OXR1: variants seen among roughly 807,000 people sequenced by gnomAD.
OXR1 encodes oxidation resistance 1, also known as oxidation resistance protein 1.
OXR1 carries 41 observed loss-of-function variants against 104.6 expected under a neutral mutation model. The observed-to-expected ratio is 0.39, with a 90% CI of 0.31 to 0.51. The LOEUF is 0.51. OXR1 is among the 20% of genes least tolerant of loss of function. The pLI is 0.77. For missense variants in OXR1, 955 were observed against 1,031.9 expected (o/e 0.93, Z 1.02); for synonymous variants, 348 against 348.4 (o/e 1.00, Z 0.01).
chr8:106,308,816 A>T (rs1027878090), intron 1 of OXR1, among the ~76,000 whole-genome samples: 8 of 152,238 alleles, frequency 5.3e-5, no homozygotes, highest in Non-Finnish European at 1.0e-4. Flanking sequence ...ACATTTACAT[A>T]GGAAAATATT....
chr8:106,735,131 C>G (rs1015158742), intron 11 of OXR1, among the ~76,000 whole-genome samples: 3 of 151,812 alleles, frequency 2.0e-5, no homozygotes, highest in African/African-American at 4.8e-5. Context: ...GAATATATAG[C>G]TCTTTTATCC....
rs1040211636 is a variant in OXR1 at position 106,706,683 on chromosome 8, A to G, written c.1162A>G (p.Thr388Ala). The stretch of plus-strand genomic sequence containing the variant: ...AAGTCTGACAGTCAAATCAGAATCT[A>G]CTGGTACTCCTGGTCACTTAAGATC... Reference protein sequence around the residue: ...VESLTVKSESTGTPGHLRSDT... With the variant: ...VESLTVKSESAGTPGHLRSDT... Residue 388 changes from threonine to alanine, a missense_variant, in exon 9 of 17, where the codon ACT (threonine) becomes GCT (alanine). Around this residue, in one of 2 missense-constraint regions of OXR1, gnomAD observed 849 missense variants for 852.9 expected, o/e 1.00. Transcript: ENST00000517566. 16 of 1,613,244 alleles carry G rather than the reference A, an allele frequency of 9.9e-6. No homozygotes were observed. Among genetic ancestry groups the G allele is most frequent in the East Asian group, 4.5e-5 (2 of 44,884 alleles).
chr8:106,475,339 A>G (rs1054586357), intron 2 of OXR1, among the ~76,000 whole-genome samples: 1 of 151,994 alleles, frequency 6.6e-6, no homozygotes, highest in Non-Finnish European at 1.5e-5. Flanking sequence ...AAGAGAAAAT[A>G]TATTTAATAT....
At chr8:106,286,276 A>G (rs1812497642) in intron 1 of OXR1, among the ~76,000 whole-genome samples, 1 of 148,776 alleles carries the variant, frequency 6.7e-6, no homozygotes, top group African/African-American at 2.6e-5. Context: ...CATCTAGCCC[A>G]TTAATCCCAC....
chr8:106,486,979 T>C (rs1810700754), intron 2 of OXR1, among the ~76,000 whole-genome samples: 1 of 151,536 alleles, frequency 6.6e-6, no homozygotes, highest in South Asian at 2.1e-4. Context: ...TGGGTAAATA[T>C]CCCAAATATT....
chr8:106,406,108 G>A (rs1000035126), intron 2 of OXR1, among the ~76,000 whole-genome samples: 6 of 152,096 alleles, frequency 3.9e-5, no homozygotes, highest in African/African-American at 1.2e-4. Context: ...TCTCCTGTCT[G>A]TATCTTACCC....
intron 3 of OXR1, among the ~76,000 whole-genome samples, chr8:106,537,892 G>A (rs779701293): frequency 2.0e-5 from 3 of 152,048 alleles, no homozygotes; most frequent in South Asian, 2.1e-4. Context: ...GGAAAAAGAG[G>A]GGAGGGTGAA....
chr8:106,741,999 A>G (rs1291876065), intron 14 of OXR1, among the ~76,000 whole-genome samples: 2 of 152,178 alleles, frequency 1.3e-5, no homozygotes, highest in Non-Finnish European at 2.9e-5. Flanking sequence ...AAATTTAAAA[A>G]CTAGGAAAAA....
chr8:106,637,243 A>T (rs192086072), intron 3 of OXR1, among the ~76,000 whole-genome samples: 1 of 152,318 alleles, frequency 6.6e-6, no homozygotes, highest in East Asian at 1.9e-4. Flanking sequence ...ACATTTCAAG[A>T]TACCTAAAAT....
chr8:106,677,598 GAAC>G (rs1827732114), intron 3 of OXR1, among the ~76,000 whole-genome samples: 1 of 152,044 alleles, frequency 6.6e-6, no homozygotes, highest in South Asian at 2.1e-4. Context: ...GAGTGAGATT[GAAC>G]AACATTATTA....
At chr8:106,380,536 G>A (rs1198602183) in intron 2 of OXR1, among the ~76,000 whole-genome samples, 2 of 152,090 alleles carry the variant, frequency 1.3e-5, no homozygotes, top group East Asian at 3.9e-4. Flanking sequence ...ACTTTTTGAG[G>A]AACTTCCAAT....
intron 7 of OXR1, among the ~76,000 whole-genome samples, chr8:106,695,042 G>A (rs1435219287): frequency 3.0e-5 from 4 of 133,556 alleles, no homozygotes; most frequent in African/African-American, 1.2e-4. Flanking sequence ...TTTACATATA[G>A]TACACACACC....
At chr8:106,727,777 C>T (rs1323180405) in intron 11 of OXR1, among the ~76,000 whole-genome samples, 2 of 152,080 alleles carry the variant, frequency 1.3e-5, no homozygotes, top group Non-Finnish European at 2.9e-5. Context: ...TATTTCATGC[C>T]TGAGCAAGAA....
At chr8:106,483,675 C>G (rs1822273896) in intron 2 of OXR1, among the ~76,000 whole-genome samples, 1 of 152,062 alleles carries the variant, frequency 6.6e-6, no homozygotes, top group Non-Finnish European at 1.5e-5. Flanking sequence ...GCATTGTGAT[C>G]TTAATGTATT....
intron 3 of OXR1, among the ~76,000 whole-genome samples, chr8:106,593,473 T>C (rs1021192175): frequency 1.3e-5 from 2 of 152,242 alleles, no homozygotes; most frequent in Non-Finnish European, 2.9e-5. Context: ...ATCAAACCTT[T>C]TTATTAATAA....
chr8:106,620,513 C>T (rs1418834052), intron 3 of OXR1, among the ~76,000 whole-genome samples: 2 of 152,194 alleles, frequency 1.3e-5, no homozygotes, highest in Non-Finnish European at 2.9e-5. Flanking sequence ...CTCCTCACTA[C>T]ATTCTTCCAC....
intron 1 of OXR1, among the ~76,000 whole-genome samples, chr8:106,348,311 G>A (rs1038465439): frequency 2.6e-5 from 4 of 152,002 alleles, no homozygotes; most frequent in African/African-American, 7.2e-5. Flanking sequence ...AAACACACAC[G>A]CACACACCCC....
intron 3 of OXR1, among the ~76,000 whole-genome samples, chr8:106,572,829 T>C (rs1817569281): frequency 6.6e-6 from 1 of 152,184 alleles, no homozygotes; most frequent in Non-Finnish European, 1.5e-5. Flanking sequence ...TGTTTAAGTA[T>C]TTGTTACAGC....
rs530153480 is a variant in OXR1 at position 106,353,909 on chromosome 8, C to T, written c.-138-5567C>T. On this transcript the variant is annotated intron_variant, in intron 1 of 16. Coordinates refer to ENST00000517566, the MANE Select transcript of OXR1 (RefSeq NM_001198533.2). ...CATCTTCCCACTACCTCCAGCCTGC[C>T]GCCCCTAGTAACCACCATTCTACTT... Among the ~76,000 whole-genome samples, 13 of 152,230 alleles carry T rather than the reference C, an allele frequency of 8.5e-5. 1 individual carries two copies. In the South Asian group the frequency reaches 2.1e-3, roughly 24 times the overall value.
Sources: gnomAD v4.1 joint callset for allele counts (sites outside exome capture counted in the v4.1 genomes callset) on GRCh38, gnomAD v4.1.1 for gene constraint, gnomAD v4.1.1 regional missense constraint, MANE v1.5 for transcripts, NCBI Gene and HGNC (gene_info 2026-07-23, HGNC 2026-07-21) for gene names.